HOMER2: variants seen among roughly 807,000 people sequenced by gnomAD.
HOMER2 encodes homer scaffold protein 2, also known as homer protein homolog 2.
A neutral mutation model predicts 47.0 loss-of-function variants in HOMER2; 27 were observed. The ratio of observed to expected loss-of-function variants is 0.57; its 90% CI spans 0.42 to 0.79. The LOEUF (loss-of-function observed/expected upper bound fraction) is 0.79. Among genes scored for constraint, HOMER2 ranks in the 30% least tolerant of loss-of-function variants. The pLI is 0.00. For synonymous variants in HOMER2, 161 were observed against 163.8 expected (o/e 0.98, Z 0.13); for missense variants, 443 against 435.0 (o/e 1.02, Z -0.16).
chr15:82,859,996 C>A (rs781535099), intron 4 of HOMER2, among the ~76,000 whole-genome samples: 33 of 152,024 alleles, frequency 2.2e-4, no homozygotes, highest in Non-Finnish European at 3.7e-4. Context: ...ACCTGTAATC[C>A]CAGCACTTTG....
At chr15:82,910,380 G>A (rs749740210) in intron 1 of HOMER2, among the ~76,000 whole-genome samples, 6 of 152,182 alleles carry the variant, frequency 3.9e-5, no homozygotes, top group South Asian at 2.1e-4. Context: ...GGGGTGAGTC[G>A]GTGAGAGGAC....
intron 1 of HOMER2, among the ~76,000 whole-genome samples, chr15:82,902,993 G>A (rs1261876314): frequency 1.3e-5 from 2 of 152,176 alleles, no homozygotes; most frequent in African/African-American, 4.8e-5. Flanking sequence ...TTTATGATCG[G>A]TTGATCTTCC....
At chr15:82,925,065 A>G (rs182810883) in intron 1 of HOMER2, among the ~76,000 whole-genome samples, 3 of 152,300 alleles carry the variant, frequency 2.0e-5, no homozygotes, top group Admixed American at 2.0e-4. Flanking sequence ...AAACAGGTTC[A>G]TCCTTATCCA....
At chr15:82,962,131 G>C (rs1336416944) in intron 1 of HOMER2, among the ~76,000 whole-genome samples, 3 of 151,848 alleles carry the variant, frequency 2.0e-5, no homozygotes, top group African/African-American at 4.8e-5. Context: ...AGCACTTTGG[G>C]AGTCCGAGGC....
At chr15:82,852,299 A>G (rs1230032643) in intron 6 of HOMER2, 47 bp from the exon 7 acceptor site, 1 of 1,320,022 alleles carries the variant, frequency 7.6e-7, no homozygotes, top group Admixed American at 1.7e-5. Context: ...GCTTAACATT[A>G]GTCATTAAGC....
chr15:82,862,204 T>TA, intron 4 of HOMER2, among the ~76,000 whole-genome samples: 1 of 151,928 alleles, frequency 6.6e-6, no homozygotes, highest in South Asian at 2.1e-4. Context: ...TACCCAGCCT[T>TA]AAAAAAATAC....
chr15:82,925,208 A>G (rs2053825224), intron 1 of HOMER2, among the ~76,000 whole-genome samples: 1 of 152,214 alleles, frequency 6.6e-6, no homozygotes, highest in African/African-American at 2.4e-5. Flanking sequence ...TTAAGTTCCC[A>G]AAACCTTCAG....
At chr15:82,874,969 C>T (rs527452430) in intron 3 of HOMER2, among the ~76,000 whole-genome samples, 1 of 152,218 alleles carries the variant, frequency 6.6e-6, no homozygotes, top group Non-Finnish European at 1.5e-5. Context: ...TCAGTCTGTG[C>T]GCTGATACCA....
chr15:82,859,764 T>G (rs908172547), intron 4 of HOMER2, among the ~76,000 whole-genome samples: 10 of 152,152 alleles, frequency 6.6e-5, no homozygotes, highest in African/African-American at 2.4e-4. Flanking sequence ...TGGTGCTAGA[T>G]AAGACCTTAG....
intron 1 of HOMER2, among the ~76,000 whole-genome samples, chr15:82,933,720 G>A (rs2054072187): frequency 6.6e-6 from 1 of 152,176 alleles, no homozygotes; most frequent in Non-Finnish European, 1.5e-5. Context: ...CTTTCCTACA[G>A]TGCTTTCACA....
intron 4 of HOMER2, among the ~76,000 whole-genome samples, chr15:82,860,876 G>T (rs1289469879): frequency 6.6e-6 from 1 of 151,332 alleles, no homozygotes; most frequent in Non-Finnish European, 1.5e-5. Context: ...GGCAGAGGTT[G>T]CAGTGAGCCG....
intron 1 of HOMER2, among the ~76,000 whole-genome samples, chr15:82,964,907 G>A (rs2054660241): frequency 6.6e-6 from 1 of 152,222 alleles, no homozygotes; most frequent in African/African-American, 2.4e-5. Flanking sequence ...TGCTCCATAG[G>A]TTTGGGAAAT....
intron 2 of HOMER2, among the ~76,000 whole-genome samples, chr15:82,888,850 T>C (rs1257268719): frequency 2.1e-4 from 26 of 124,590 alleles, no homozygotes; most frequent in East Asian, 3.1e-4. Flanking sequence ...GAAATCACCG[T>C]CTTCTGCGTC....
At chr15:82,970,363 C>A (rs1240913509) in intron 1 of HOMER2, among the ~76,000 whole-genome samples, 2 of 152,164 alleles carry the variant, frequency 1.3e-5, no homozygotes, top group African/African-American at 4.8e-5. Flanking sequence ...ATCACCAGGG[C>A]TCTGAAAAAT....
At chr15:82,971,152 A>G (rs2029974084) in intron 1 of HOMER2, among the ~76,000 whole-genome samples, 2 of 152,190 alleles carry the variant, frequency 1.3e-5, no homozygotes, top group South Asian at 2.1e-4. Context: ...AACGTAACCC[A>G]ATTCTTGATA....
chr15:82,903,532 G>A (rs748803083), intron 1 of HOMER2, among the ~76,000 whole-genome samples: 4 of 152,040 alleles, frequency 2.6e-5, no homozygotes, highest in Non-Finnish European at 5.9e-5. Context: ...CAGGAGAATC[G>A]CTTGAACTCG....
exon 2 of HOMER2, chr15:82,838,453 A>C (rs1310709273): frequency 6.6e-6 from 1 of 152,204 alleles, no homozygotes; most frequent in African/African-American, 2.4e-5. Flanking sequence ...CTCCCGTGCA[A>C]ACACACATTG....
chr15:82,892,376 A>G (rs1482074122), intron 2 of HOMER2, among the ~76,000 whole-genome samples: 1 of 152,248 alleles, frequency 6.6e-6, no homozygotes, highest in African/African-American at 2.4e-5. Context: ...TTGGTACATG[A>G]AGATGCTCAT....
chr15:82,971,832 A>G (rs890992119), intron 1 of HOMER2, among the ~76,000 whole-genome samples: 6 of 152,210 alleles, frequency 3.9e-5, no homozygotes, highest in African/African-American at 1.4e-4. Flanking sequence ...TATGACTGTC[A>G]TCTTTCCAAG....
Sources: allele counts gnomAD v4.1 joint callset (sites outside exome capture counted in the v4.1 genomes callset), GRCh38; gene constraint gnomAD v4.1.1; transcripts MANE v1.5; gene names NCBI Gene and HGNC (gene_info 2026-07-23, HGNC 2026-07-21).